The following POLH variants were observed in gnomAD, a reference collection of about 807,000 sequenced individuals.
POLH encodes the protein DNA polymerase eta, also known as DNA polymerase eta transcript.
Under a neutral mutation model 73.6 loss-of-function variants are expected in POLH, and 53 were observed. That is an observed-to-expected ratio of 0.72 (90% CI 0.58 to 0.91). The LOEUF (loss-of-function observed/expected upper bound fraction) is 0.91. Among genes scored for constraint, POLH ranks in the 40% least tolerant of loss-of-function variants. POLH has a pLI of 0.00. For synonymous variants in POLH, 292 were observed against 308.5 expected, an observed-to-expected ratio of 0.95 and a Z score of 0.56; for missense variants, 768 against 865.4, an observed-to-expected ratio of 0.89 and a Z score of 1.41.
rs1768148536 is a variant in POLH at position 43,613,933 on chromosome 6, G to A, written c.1518G>A (p.Gln506=). The A allele has an allele frequency of 6.2e-7, 1 of 1,613,882 alleles. No homozygotes were observed. The highest frequency in any genetic ancestry group is 1.3e-5 in the African/African-American group (1 of 75,060). Residue 506 remains glutamine, a synonymous_variant, in exon 11 of 11, where the codon CAG becomes CAA. Transcript: ENST00000372236. The stretch of plus-strand genomic sequence containing the variant: ...TTTCATCTCTTACTGCTCCCACTCA[G>A]GCTCCCATGAGCAATTCACCATCCA... ...ASLSSLTAPT[Q]APMSNSPSKP... is the part of the protein sequence containing the mutation.
intron 9 of POLH, among the ~76,000 whole-genome samples, chr6:43,608,159 T>A (rs1767500881): frequency 6.6e-6 from 1 of 152,060 alleles, no homozygotes; most frequent in Non-Finnish European, 1.5e-5. Context: ...ACAAAAATCC[T>A]CTCCCCTTTT....
Position 43,604,697 on chromosome 6 carries a change from A to G in POLH, c.967A>G (p.Lys323Glu), listed in dbSNP as rs1015708532. 1 of 1,613,998 alleles carries G rather than the reference A, an allele frequency of 6.2e-7. No individual in the cohort carries two copies. Among genetic ancestry groups the G allele is most frequent in the Non-Finnish European group, 8.5e-7 (1 of 1,179,964 alleles). The change falls in exon 8 of 11, where the codon AAG becomes GAG. Residue 323 changes from lysine to glutamate, a missense_variant. By Grantham distance (56) the Lys-to-Glu change is moderately conservative (BLOSUM62 1). Transcript: ENST00000372236. ...RQLPKTIGCS[K>E]NFPGKTALAT... ...ACTACCCAAAACCATTGGCTGTAGT[A>G]AGAACTTCCCAGGAAAAACAGCTCT...
chr6:43,587,046 A>G (rs1764901052), intron 3 of POLH, among the ~76,000 whole-genome samples: 1 of 152,126 alleles, frequency 6.6e-6, no homozygotes, highest in Non-Finnish European at 1.5e-5. Flanking sequence ...TAGTTCTGGC[A>G]TTGTGCTAAA....
chr6:43,618,716 C>T lies in POLH; in HGVS notation c.*4159C>T, dbSNP rs182038252. ...CACGATCTCGGCTCACTGCAACCTCCGCCTCCCGGGTTCAAGCGATTCTCC... is the reference window on the plus strand; with the variant it reads ...CACGATCTCGGCTCACTGCAACCTCTGCCTCCCGGGTTCAAGCGATTCTCC... On this transcript the variant is annotated 3_prime_UTR_variant, in exon 11 of 11. Transcript: ENST00000372236. Among the ~76,000 whole-genome samples the T allele has an allele frequency of 7.2e-5, 11 of 152,204 alleles. No individual in the cohort carries two copies. The East Asian group carries it at 7.8e-4, about 11-fold the overall frequency.
chr6:43,577,403 G>C (rs1763485525), intron 1 of POLH, among the ~76,000 whole-genome samples: 1 of 152,076 alleles, frequency 6.6e-6, no homozygotes, highest in South Asian at 2.1e-4. Context: ...CTATTTGTTG[G>C]CTCAGTCTGT....
rs983126428 is a variant in POLH, at chr6:43,614,267, C to G, written c.1852C>G (p.Gln618Glu). The change falls in exon 11 of 11, where the codon CAG becomes GAG. Residue 618 changes from glutamine (Q) to glutamate (E), a missense_variant. Transcript: ENST00000372236. ...TTCCAAATCTGTGCTGGAGGTGACTCAGAAAGCAACCCCAAATCCAAGTCT... is the reference window on the plus strand; with the variant it reads ...TTCCAAATCTGTGCTGGAGGTGACTGAGAAAGCAACCCCAAATCCAAGTCT... ...SASKSVLEVT[Q>E]KATPNPSLLA... is the part of the protein sequence containing the mutation. 6.3e-7 allele frequency: 1 copy of G among 1,599,658 alleles called. No individual in the cohort carries two copies.
intron 4 of POLH, 126 bp downstream of exon 4, chr6:43,587,615 T>A: frequency 1.3e-6 from 1 of 747,728 alleles, no homozygotes; most frequent in South Asian, 1.5e-5. Flanking sequence ...TCACAAGGAC[T>A]CACATGGAAG....
intron 5 of POLH, among the ~76,000 whole-genome samples, chr6:43,599,028 G>A (rs1014358628): frequency 1.7e-5 from 2 of 114,882 alleles, no homozygotes; most frequent in Non-Finnish European, 3.3e-5. Context: ...TCGCCCTGTT[G>A]CCCAGGCTGG....
chr6:43,576,898 G>A (rs1409249631), intron 1 of POLH, among the ~76,000 whole-genome samples: 2 of 152,262 alleles, frequency 1.3e-5, no homozygotes, highest in African/African-American at 2.4e-5. Context: ...GCTCACGCCT[G>A]TAATCCCAGC....
Position 43,620,318 on chromosome 6 carries a change from T to C in POLH, c.*5761T>C, listed in dbSNP as rs1768630975. 1.9e-6 allele frequency: 1 copy of C among 515,870 alleles called. No individual in the cohort carries two copies. Among genetic ancestry groups the C allele is most frequent in the Non-Finnish European group, 3.9e-6 (1 of 259,288 alleles). 32.0% of individuals were successfully genotyped at this position (515,870 alleles called of 1,614,324 possible). ...AATAGGCCACAATACTTGGTTACAA[T>C]ACTGGAACTCTGAACCTATGTGGAG... On this transcript the variant is annotated 3_prime_UTR_variant, in exon 11 of 11. Transcript: ENST00000372236.
rs933682517 is a variant in POLH at position 43,576,219 on chromosome 6, C to T, written c.-226C>T. The T allele has an allele frequency of 3.5e-5, 7 of 201,504 alleles. No homozygotes were observed. The highest frequency in any genetic ancestry group is 1.2e-4 in the South Asian group (1 of 8,524). The allele number at this position is 201,504 out of a possible 1,614,324, so 12.5% of individuals were successfully genotyped here. A position where few individuals can be genotyped will look rare whatever the true frequency, so the allele number is the denominator to read the frequency against. ...GCTGCATTGCTGGGCGCGCCGCTCT[C>T]GTCTGATCCCTGCTGGGGACGGTTG... On this transcript the variant is annotated 5_prime_UTR_variant, in exon 1 of 11. Transcript: ENST00000372236.
Position 43,603,947 on chromosome 6 carries a change from T to C in POLH, c.820T>C (p.Tyr274His), listed in dbSNP as rs1356879017. 1 of 1,612,604 alleles carries C rather than the reference T, an allele frequency of 6.2e-7. No individual in the cohort carries two copies. The highest frequency in any genetic ancestry group is 1.3e-5 in the African/African-American group (1 of 75,016). ...ASVIEILGIE[Y>H]MGELTQFTES... ...TGTCATTGAGATCCTAGGGATAGAATACATGGGTGAACTGACCCAGTTCAC... is the reference window on the plus strand; with the variant it reads ...TGTCATTGAGATCCTAGGGATAGAACACATGGGTGAACTGACCCAGTTCAC... Residue 274 changes from tyrosine (Y) to histidine (H), a missense_variant, in exon 7 of 11, where the codon TAC (tyrosine) becomes CAC (histidine). By Grantham distance (83) the Tyr-to-His change is moderately conservative. Coordinates refer to ENST00000372236, the MANE Select transcript of POLH (RefSeq NM_006502.3).
intron 6 of POLH, among the ~76,000 whole-genome samples, chr6:43,602,868 A>AT (rs1182229808): frequency 2.6e-5 from 4 of 151,542 alleles, no homozygotes; most frequent in African/African-American, 9.7e-5. Context: ...AGGTTTTACT[A>AT]TTTTGGCCAG....
rs1296758730 is a variant in POLH at position 43,583,055 on chromosome 6, T to A, written c.186T>A (p.Ser62Arg). The A allele has an allele frequency of 1.2e-6, 2 of 1,613,366 alleles. No individual in the cohort carries two copies. The highest frequency in any genetic ancestry group is 1.7e-6 in the Non-Finnish European group (2 of 1,179,436). ...YEARAFGVTR[S>R]MWADDAKKLC... ...CTCGTGCATTTGGAGTCACTAGAAGTATGTGGGCAGATGATGCTAAGAAGT... is the reference window on the plus strand; with the variant it reads ...CTCGTGCATTTGGAGTCACTAGAAGAATGTGGGCAGATGATGCTAAGAAGT... The change falls in exon 3 of 11, where the codon AGT becomes AGA. Residue 62 changes from serine (S) to arginine (R), a missense_variant. By Grantham distance (110) the Ser-to-Arg change is moderately radical. Coordinates refer to ENST00000372236, the MANE Select transcript of POLH (RefSeq NM_006502.3).
intron 4 of POLH, among the ~76,000 whole-genome samples, chr6:43,590,350 T>G (rs1294149367): frequency 6.7e-6 from 1 of 148,664 alleles, no homozygotes; most frequent in Non-Finnish European, 1.5e-5. Flanking sequence ...AGAGCAAGAC[T>G]CCATCTTAAA....
intron 5 of POLH, 128 bp from the exon 6 acceptor site, chr6:43,600,859 TG>T (rs796358087): frequency 9.5e-6 from 7 of 737,002 alleles, no homozygotes; most frequent in African/African-American, 8.8e-5. Context: ...GTTTTATTTT[TG>T]TTTTTAATGT....
Position 43,587,230 on chromosome 6 carries a change from C to T in POLH, c.273-42C>T, listed in dbSNP as rs553099456. 1.3e-4 allele frequency: 186 copies of T among 1,444,098 alleles called. 4 individuals carry two copies. In the South Asian group the frequency reaches 1.9e-3, roughly 14 times the overall value. The allele number at this position is 1,444,098 out of a possible 1,614,324, so 89.5% of individuals were successfully genotyped here. A position where few individuals can be genotyped will look rare whatever the true frequency, so the allele number is the denominator to read the frequency against. On this transcript the variant is annotated intron_variant, in intron 3 of 10. Coordinates refer to ENST00000372236, the MANE Select transcript of POLH (RefSeq NM_006502.3). ...AGTGGAGCAGACAATCTCAAGGTTG[C>T]CTCTGTTTATTGCCTGCATGAATGA...
rs554607848 is a variant in POLH, at chr6:43,614,294, C to A, written c.1879C>A (p.Leu627Ile). The change falls in exon 11 of 11, where the codon CTA (leucine) becomes ATA (isoleucine). Residue 627 changes from leucine (L) to isoleucine (I), a missense_variant. By Grantham distance (5) the Leu-to-Ile change is conservative. Coordinates refer to ENST00000372236, the MANE Select transcript of POLH (RefSeq NM_006502.3). ...GAAAGCAACCCCAAATCCAAGTCTT[C>A]TAGCTGCTGAGGACCAAGTGCCCTG... ...TQKATPNPSL[L>I]AAEDQVPCEK... is the part of the protein sequence containing the mutation. 2 of 1,599,368 alleles carry A rather than the reference C, an allele frequency of 1.3e-6. No homozygotes were observed. The highest frequency in any genetic ancestry group is 1.7e-6 in the Non-Finnish European group (2 of 1,171,136).
chr6:43,607,444 CCATATTT>C (rs1767429862), intron 9 of POLH, among the ~76,000 whole-genome samples: 2 of 152,070 alleles, frequency 1.3e-5, no homozygotes, highest in South Asian at 4.1e-4. Context: ...TTAATATATA[CCATATTT>C]TGCTTATCTA....
Sources: gnomAD v4.1 joint callset for allele counts (sites outside exome capture counted in the v4.1 genomes callset) on GRCh38, gnomAD v4.1.1 for gene constraint, MANE v1.5 for transcripts, NCBI Gene and HGNC (gene_info 2026-07-23, HGNC 2026-07-21) for gene names.